Variants in VPS13A observed in about 807,000 individuals in gnomAD.
The protein encoded by VPS13A is vacuolar protein sorting 13 homolog A.
A neutral mutation model predicts 390.9 loss-of-function variants in VPS13A; 264 were observed. The ratio of observed to expected loss-of-function variants is 0.68; its 90% CI spans 0.61 to 0.75. VPS13A has a LOEUF of 0.75. Ranked by LOEUF, VPS13A falls within the 30% of genes least tolerant of loss-of-function variation. The pLI is 0.00. For synonymous variants in VPS13A, 1,231 were observed against 1,227.1 expected (o/e 1.00, Z -0.07); for missense variants, 3,409 against 3,733.9 (o/e 0.91, Z 2.27).
intron 17 of VPS13A, among the ~76,000 whole-genome samples, chr9:77,231,534 T>G (rs981749410): frequency 6.6e-6 from 1 of 152,190 alleles, no homozygotes; most frequent in African/African-American, 2.4e-5. Context: ...ACTAATGATG[T>G]TCAGCATCTT....
intron 23 of VPS13A, among the ~76,000 whole-genome samples, chr9:77,271,143 A>G (rs1168754124): frequency 6.6e-6 from 1 of 152,226 alleles, no homozygotes; most frequent in African/African-American, 2.4e-5. Context: ...ACTTGTATCT[A>G]GAATATATGA....
intron 1 of VPS13A, among the ~76,000 whole-genome samples, chr9:77,188,068 A>C (rs763215875): frequency 6.6e-6 from 1 of 152,136 alleles, no homozygotes; most frequent in Non-Finnish European, 1.5e-5. Context: ...TAGTTCTTGC[A>C]AGATCTGGTT....
intron 71 of VPS13A, among the ~76,000 whole-genome samples, chr9:77,413,346 C>G (rs1211313861): frequency 1.3e-5 from 2 of 152,158 alleles, no homozygotes; most frequent in Non-Finnish European, 2.9e-5. Context: ...AACTATACTA[C>G]AAGGCTACAG....
At chr9:77,281,818 T>C in intron 27 of VPS13A, 49 bp from the exon 28 acceptor site, 1 of 1,211,196 alleles carries the variant, frequency 8.3e-7, no homozygotes, top group Non-Finnish European at 1.2e-6. Flanking sequence ...TGATTGTATA[T>C]GTATGTCTTC....
chr9:77,366,728 T>C lies in VPS13A; in HGVS notation c.8327T>C (p.Leu2776Ser), dbSNP rs1832451976. The C allele has an allele frequency of 6.2e-7, 1 of 1,609,550 alleles. No individual in the cohort carries two copies. The highest frequency in any genetic ancestry group is 8.5e-7 in the Non-Finnish European group (1 of 1,177,344). The change falls in exon 61 of 72, where the codon TTA (leucine) becomes TCA (serine). Residue 2776 changes from leucine (L) to serine (S), a missense_variant and splice_region_variant. By Grantham distance (145) the Leu-to-Ser change is moderately radical. This residue lies in a region of VPS13A where 123 missense variants were observed against 118.7 expected (regional missense o/e 1.04). Coordinates refer to ENST00000360280, the MANE Select transcript of VPS13A (RefSeq NM_033305.3). The part of the protein sequence containing the change: ...YEYFHISPIK[L>S]HLSVSLSSGR... ...ATATTTATCTCTTTATCTTTTTAGT[T>C]ACATTTAAGTGTTTCACTGAGTTCC...
At position 77,214,833 on chromosome 9, in the gene VPS13A, C is replaced by T. The variant is rs961868445; in HGVS notation, c.754+447C>T. ...AATGAGCATCCATTACTTTTACAAT[C>T]GGAAATGAATTACTAAAACAGAAAG... is the stretch of plus-strand genomic sequence containing the variant. On this transcript the variant is annotated intron_variant, in intron 10 of 71. Transcript: ENST00000360280. 4.6e-5 allele frequency among the ~76,000 whole-genome samples: 7 copies of T among 152,158 alleles called. No homozygotes were observed. In the South Asian group the frequency reaches 1.0e-3, roughly 23 times the overall value.
intron 17 of VPS13A, among the ~76,000 whole-genome samples, chr9:77,229,438 C>T (rs1823701092): frequency 6.6e-6 from 1 of 152,168 alleles, no homozygotes; most frequent in Non-Finnish European, 1.5e-5. Flanking sequence ...TCCCAAGTGC[C>T]CCCTTACCCA....
At chr9:77,402,777 G>A (rs1376663982) in intron 68 of VPS13A, among the ~76,000 whole-genome samples, 1 of 152,168 alleles carries the variant, frequency 6.6e-6, no homozygotes. Context: ...ACTAAGTTGT[G>A]AGATTGACAA....
At chr9:77,337,666 C>G in intron 47 of VPS13A, 129 bp downstream of exon 47, 1 of 893,924 alleles carries the variant, frequency 1.1e-6, no homozygotes, top group South Asian at 1.9e-5. Context: ...ATAGGTAATG[C>G]AGATATTCTT....
intron 19 of VPS13A, among the ~76,000 whole-genome samples, chr9:77,240,027 G>A (rs114637650): frequency 0.02 from 3,094 of 151,360 alleles, 70 homozygotes; most frequent in African/African-American, 0.057. Flanking sequence ...TTATTGTACT[G>A]TATGTATATA....
At chr9:77,400,665 AT>A (rs1345971218) in intron 68 of VPS13A, among the ~76,000 whole-genome samples, 1 of 151,632 alleles carries the variant, frequency 6.6e-6, no homozygotes, top group African/African-American at 2.4e-5. Context: ...TCTACTAAAA[AT>A]ACAAAAAAAA....
chr9:77,407,014 A>ATCTC (rs1031499052), intron 70 of VPS13A, among the ~76,000 whole-genome samples: 13 of 152,100 alleles, frequency 8.5e-5, no homozygotes, highest in African/African-American at 2.9e-4. Flanking sequence ...ACACAACCTG[A>ATCTC]TCTCTCTTTG....
At chr9:77,292,498 G>T (rs1346315976) in intron 31 of VPS13A, among the ~76,000 whole-genome samples, 1 of 151,938 alleles carries the variant, frequency 6.6e-6, no homozygotes, top group Non-Finnish European at 1.5e-5. Flanking sequence ...GTTTGGAGGG[G>T]CCCTCACTCC....
At position 77,371,146 on chromosome 9, in the gene VPS13A, A is replaced by T; in HGVS notation, c.9074A>T (p.Lys3025Ile). 1 of 1,614,000 alleles carries T rather than the reference A, an allele frequency of 6.2e-7. No individual in the cohort carries two copies. The highest frequency in any genetic ancestry group is 8.5e-7 in the Non-Finnish European group (1 of 1,179,936). Residue 3025 changes from lysine (K) to isoleucine (I), a missense_variant, in exon 67 of 72, where the codon AAA becomes ATA. Lys to Ile is a moderately radical substitution (Grantham distance 102, BLOSUM62 -3). Coordinates refer to ENST00000360280, the MANE Select transcript of VPS13A (RefSeq NM_033305.3). The stretch of plus-strand genomic sequence containing the variant: ...GCTAGCAGTACATTTCAGGGAATAA[A>T]AAGGTAAATCCTCTTTGGTGTAAGA... ...DMASSTFQGI[K>I]RATETSEVES...
chr9:77,392,000 A>T (rs1260650200), intron 68 of VPS13A, among the ~76,000 whole-genome samples: 1 of 152,178 alleles, frequency 6.6e-6, no homozygotes, highest in East Asian at 1.9e-4. Flanking sequence ...TGAGTTTATA[A>T]TTGTAATGAG....
At chr9:77,177,874 C>G in intron 1 of VPS13A, 70 bp downstream of exon 1, 2 of 1,422,358 alleles carry the variant, frequency 1.4e-6, no homozygotes, top group Non-Finnish European at 1.9e-6. Flanking sequence ...CGAGCGGCGT[C>G]CTGCGTTCTC....
intron 33 of VPS13A, among the ~76,000 whole-genome samples, chr9:77,298,928 C>G (rs984008514): frequency 1.3e-5 from 2 of 152,134 alleles, no homozygotes; most frequent in African/African-American, 2.4e-5. Context: ...GTCTCCTTTA[C>G]TTTCTGCCAT....
intron 14 of VPS13A, 26 bp from the exon 15 acceptor site, chr9:77,226,440 T>A (rs1384650696): frequency 6.3e-7 from 1 of 1,587,364 alleles, no homozygotes. Context: ...TAATGTGTCA[T>A]TTATTTGAAA....
intron 13 of VPS13A, 136 bp from the exon 14 acceptor site, chr9:77,225,790 T>C (rs982149508): frequency 1.5e-6 from 1 of 656,464 alleles, no homozygotes. Context: ...ACATATGTAT[T>C]ATATTGATGA....
Sources: gnomAD v4.1 joint callset for allele counts (sites outside exome capture counted in the v4.1 genomes callset) on GRCh38, gnomAD v4.1.1 for gene constraint, gnomAD v4.1.1 regional missense constraint, MANE v1.5 for transcripts, NCBI Gene and HGNC (gene_info 2026-07-23, HGNC 2026-07-21) for gene names.